The following BCAR3 variants were observed in gnomAD, a reference collection of about 807,000 sequenced individuals.
The protein encoded by BCAR3 is breast cancer anti-estrogen resistance protein 3.
In BCAR3, 37 loss-of-function variants were observed where a neutral mutation model predicts 80.1. That is an observed-to-expected ratio of 0.46 (90% CI 0.36 to 0.61). The LOEUF (loss-of-function observed/expected upper bound fraction) is 0.61, where lower values mean the gene tolerates loss of function less well. BCAR3 is among the 20% of genes least tolerant of loss of function. The probability of loss-of-function intolerance (pLI) is 0.00; values close to 1 mark genes in which losing one functional copy is unlikely to be tolerated. For missense variants in BCAR3, 978 were observed against 1,068.2 expected (o/e 0.92, Z 1.18); for synonymous variants, 389 against 418.9 (o/e 0.93, Z 0.87).
At chr1:93,565,569 G>C (rs189091924) in intron 11 of BCAR3, among the ~76,000 whole-genome samples, 1 of 152,316 alleles carries the variant, frequency 6.6e-6, no homozygotes, top group Admixed American at 6.5e-5. Context: ...AGCAGCTTAT[G>C]GCACACTTTT....
chr1:93,712,726 AC>A (rs1204658232), intron 2 of BCAR3, among the ~76,000 whole-genome samples: 2 of 152,154 alleles, frequency 1.3e-5, no homozygotes, highest in Admixed American at 1.3e-4. Context: ...TGGCATAGGA[AC>A]CATTATCACC....
At chr1:93,838,101 CTCTT>C (rs1654834790) in intron 2 of BCAR3, among the ~76,000 whole-genome samples, 1 of 152,222 alleles carries the variant, frequency 6.6e-6, no homozygotes, top group East Asian at 1.9e-4. Flanking sequence ...CTTTCTTTCT[CTCTT>C]TATGCTCCTG....
At chr1:93,842,772 G>C (rs1382674287) in intron 2 of BCAR3, among the ~76,000 whole-genome samples, 1 of 152,112 alleles carries the variant, frequency 6.6e-6, no homozygotes, top group East Asian at 1.9e-4. Flanking sequence ...AACCTCGTCT[G>C]TTGACACATC....
chr1:93,571,620 C>A (rs751880037), intron 9 of BCAR3, 50 bp downstream of exon 9: 3 of 1,601,120 alleles, frequency 1.9e-6, no homozygotes, highest in South Asian at 1.1e-5. Context: ...ACATGGCATG[C>A]AGATCTCTTT....
chr1:93,720,596 G>A (rs1190024893), intron 2 of BCAR3, among the ~76,000 whole-genome samples: 1 of 152,206 alleles, frequency 6.6e-6, no homozygotes, highest in Non-Finnish European at 1.5e-5. Context: ...ATGCTCCGGT[G>A]CTGCGACTGC....
intron 3 of BCAR3, among the ~76,000 whole-genome samples, chr1:93,698,705 T>G (rs1226002798): frequency 6.6e-6 from 1 of 152,240 alleles, no homozygotes; most frequent in Non-Finnish European, 1.5e-5. Context: ...ACTGCCACTG[T>G]GCTCAGCCTT....
At chr1:93,807,051 G>A (rs1055476326) in intron 2 of BCAR3, among the ~76,000 whole-genome samples, 1 of 152,040 alleles carries the variant, frequency 6.6e-6, no homozygotes, top group Non-Finnish European at 1.5e-5. Context: ...GCTGCAGTGA[G>A]AGGAGATCAT....
At chr1:93,618,531 C>A (rs1004821248) in intron 3 of BCAR3, among the ~76,000 whole-genome samples, 1 of 152,200 alleles carries the variant, frequency 6.6e-6, no homozygotes, top group Non-Finnish European at 1.5e-5. Context: ...CTGAGTAATG[C>A]GAAGCAAAAT....
chr1:93,741,845 A>G (rs752956364), intron 2 of BCAR3, among the ~76,000 whole-genome samples: 1 of 152,232 alleles, frequency 6.6e-6, no homozygotes, highest in Non-Finnish European at 1.5e-5. Flanking sequence ...TGCTGGAATT[A>G]TAGGCATGAG....
chr1:93,612,542 T>G (rs1674985161), intron 3 of BCAR3, among the ~76,000 whole-genome samples: 1 of 152,202 alleles, frequency 6.6e-6, no homozygotes, highest in South Asian at 2.1e-4. Context: ...TGAGTTGCAC[T>G]TCACTGAATT....
intron 5 of BCAR3, among the ~76,000 whole-genome samples, chr1:93,587,011 G>C (rs879812307): frequency 9.2e-5 from 14 of 152,178 alleles, no homozygotes; most frequent in Non-Finnish European, 1.6e-4. Context: ...CTGAACTCAG[G>C]TAATCCACCT....
chr1:93,601,168 C>T (rs1003551550), intron 3 of BCAR3, among the ~76,000 whole-genome samples: 3 of 152,144 alleles, frequency 2.0e-5, no homozygotes, highest in Admixed American at 6.5e-5. Flanking sequence ...CATGGATGCT[C>T]GCTTGACACA....
intron 3 of BCAR3, among the ~76,000 whole-genome samples, chr1:93,629,288 C>G (rs956091305): frequency 6.6e-6 from 1 of 152,164 alleles, no homozygotes; most frequent in African/African-American, 2.4e-5. Context: ...TACCCAATAC[C>G]AGCATCCTTC....
chr1:93,785,996 A>G (rs1257973460), intron 2 of BCAR3, among the ~76,000 whole-genome samples: 1 of 116,950 alleles, frequency 8.6e-6, no homozygotes, highest in Non-Finnish European at 1.7e-5. Flanking sequence ...GATCAAGACC[A>G]TCCTGGCTAA....
In BCAR3 at chr1:93,591,336, A is replaced by C. The variant is rs236323; in HGVS notation, c.486+929T>G. ...CTAAAAATATAAAAGTTAGCAGGGC[A>C]TGGTGGTGGACACCTGTAATCCCAG... is the stretch of plus-strand genomic sequence containing the variant. On this transcript the variant is annotated intron_variant, in intron 4 of 11. Coordinates refer to ENST00000260502, the MANE Select transcript of BCAR3 (RefSeq NM_003567.4). 2.3e-3 allele frequency among the ~76,000 whole-genome samples: 352 copies of C among 151,926 alleles called. 1 individual carries two copies. The highest frequency in any genetic ancestry group is 4.1e-3 in the Non-Finnish European group (278 of 67,928).
At chr1:93,775,724 T>A (rs959370485) in intron 2 of BCAR3, among the ~76,000 whole-genome samples, 1 of 152,264 alleles carries the variant, frequency 6.6e-6, no homozygotes, top group Non-Finnish European at 1.5e-5. Context: ...TATGAAAATG[T>A]CTCTAAGATA....
chr1:93,798,555 C>G (rs1338992020), intron 2 of BCAR3, among the ~76,000 whole-genome samples: 1 of 152,118 alleles, frequency 6.6e-6, no homozygotes, highest in Non-Finnish European at 1.5e-5. Context: ...ATTCCAAAGA[C>G]ATGAGCTGCA....
At chr1:93,569,164 A>G (rs921610044) in intron 9 of BCAR3, among the ~76,000 whole-genome samples, 1 of 152,230 alleles carries the variant, frequency 6.6e-6, no homozygotes, top group African/African-American at 2.4e-5. Context: ...GGGCATTAGT[A>G]TTTGGGGAAT....
rs112851551 is a variant in BCAR3, at chr1:93,565,715, G to A, written c.2299+1564C>T. 4.6e-5 allele frequency among the ~76,000 whole-genome samples: 7 copies of A among 152,274 alleles called. 1 individual carries two copies. Among genetic ancestry groups the A allele is most frequent in the African/African-American group, 1.7e-4 (7 of 41,544 alleles). ...TGAGTAACATACAGCCAATCCTGGA[G>A]AACTTTTTGAGGAAGAAAATGAAAC... On this transcript the variant is annotated intron_variant, in intron 11 of 11. Transcript: ENST00000260502.
Sources: allele counts gnomAD v4.1 joint callset (sites outside exome capture counted in the v4.1 genomes callset), GRCh38; gene constraint gnomAD v4.1.1; transcripts MANE v1.5; gene names NCBI Gene and HGNC (gene_info 2026-07-23, HGNC 2026-07-21).